LRRC4C: variants seen among roughly 807,000 people sequenced by gnomAD.
The protein encoded by LRRC4C is leucine-rich repeat-containing protein 4C.
Under a neutral mutation model 33.6 loss-of-function variants are expected in LRRC4C, and 5 were observed. The observed-to-expected ratio is 0.15, with a 90% CI of 0.08 to 0.31. LRRC4C has a LOEUF of 0.31. Among genes scored for constraint, LRRC4C ranks in the 10% least tolerant of loss-of-function variants. The pLI, the probability that LRRC4C is intolerant of heterozygous loss-of-function variation, is 1.00. For synonymous variants in LRRC4C, 329 were observed against 302.0 expected, an observed-to-expected ratio of 1.09 and a Z score of -0.93; for missense variants, 560 against 796.7, an observed-to-expected ratio of 0.70 and a Z score of 3.58.
intron 3 of LRRC4C, among the ~76,000 whole-genome samples, chr11:40,439,482 C>G (rs1449251249): frequency 6.9e-6 from 1 of 145,262 alleles, no homozygotes; most frequent in Non-Finnish European, 1.5e-5. Flanking sequence ...GAGACGGAGT[C>G]TCATTCTGTC....
chr11:40,322,033 A>T (rs1179631892), intron 3 of LRRC4C, among the ~76,000 whole-genome samples: 1 of 152,140 alleles, frequency 6.6e-6, no homozygotes, highest in Non-Finnish European at 1.5e-5. Flanking sequence ...ATTAGAACAA[A>T]GTGAATCATA....
intron 2 of LRRC4C, among the ~76,000 whole-genome samples, chr11:40,832,599 A>G (rs1244938553): frequency 6.6e-6 from 1 of 152,114 alleles, no homozygotes; most frequent in African/African-American, 2.4e-5. Flanking sequence ...ACTGCCACAA[A>G]TGGCAAGCAA....
intron 1 of LRRC4C, among the ~76,000 whole-genome samples, chr11:41,134,328 T>G (rs1022928068): frequency 2.6e-5 from 4 of 152,118 alleles, no homozygotes; most frequent in African/African-American, 7.2e-5. Context: ...GGTCTCAAAC[T>G]GCTAGCCTCA....
chr11:40,508,049 A>G (rs1440109), intron 3 of LRRC4C, among the ~76,000 whole-genome samples: 85,740 of 151,988 alleles, frequency 0.56, 24,549 homozygotes, highest in East Asian at 0.79. Context: ...GAAACACTGC[A>G]CCCAGCCCAA....
chr11:41,112,527 G>C (rs1033056840), intron 1 of LRRC4C, among the ~76,000 whole-genome samples: 1 of 151,998 alleles, frequency 6.6e-6, no homozygotes, highest in African/African-American at 2.4e-5. Flanking sequence ...TTGAAGTAGT[G>C]GCTTTGAATC....
intron 3 of LRRC4C, among the ~76,000 whole-genome samples, chr11:40,545,100 C>T (rs1258194745): frequency 6.6e-6 from 1 of 151,950 alleles, no homozygotes; most frequent in East Asian, 1.9e-4. Context: ...TCTGAAGCCT[C>T]CCATCATCAC....
intron 1 of LRRC4C, among the ~76,000 whole-genome samples, chr11:41,222,117 C>T (rs1947334530): frequency 6.6e-6 from 1 of 152,250 alleles, no homozygotes; most frequent in African/African-American, 2.4e-5. Flanking sequence ...GATCAACTAG[C>T]AACAAGAGAC....
chr11:41,420,131 G>T (rs1954824887), intron 1 of LRRC4C, among the ~76,000 whole-genome samples: 1 of 151,812 alleles, frequency 6.6e-6, no homozygotes, highest in South Asian at 2.1e-4. Flanking sequence ...GGCATTTTTG[G>T]ATAATAGAAC....
At chr11:41,155,085 C>G (rs2135988389) in intron 1 of LRRC4C, among the ~76,000 whole-genome samples, 1 of 152,222 alleles carries the variant, frequency 6.6e-6, no homozygotes, top group East Asian at 1.9e-4. Context: ...TGCGTTGACT[C>G]AGGTGCAAAT....
chr11:40,427,441 A>C (rs1210732654), intron 3 of LRRC4C, among the ~76,000 whole-genome samples: 1 of 152,200 alleles, frequency 6.6e-6, no homozygotes, highest in East Asian at 1.9e-4. Context: ...CCAGAGGTGG[A>C]GGTTGCAGTG....
chr11:40,533,763 T>C (rs1193206346), intron 3 of LRRC4C, among the ~76,000 whole-genome samples: 1 of 152,148 alleles, frequency 6.6e-6, no homozygotes, highest in South Asian at 2.1e-4. Flanking sequence ...CCTAGCCTTT[T>C]GATAGGTTCC....
At chr11:41,298,042 G>T (rs1032634379) in intron 1 of LRRC4C, among the ~76,000 whole-genome samples, 2 of 152,130 alleles carry the variant, frequency 1.3e-5, no homozygotes, top group Non-Finnish European at 2.9e-5. Context: ...TAGGAATACC[G>T]ACAGGTAAGA....
chr11:41,253,642 A>G (rs1370732695), intron 1 of LRRC4C, among the ~76,000 whole-genome samples: 1 of 152,132 alleles, frequency 6.6e-6, no homozygotes, highest in Non-Finnish European at 1.5e-5. Context: ...TCCCTGGCCT[A>G]ATAGCACAGT....
At chr11:40,973,052 G>A (rs999129788) in intron 1 of LRRC4C, among the ~76,000 whole-genome samples, 1 of 152,086 alleles carries the variant, frequency 6.6e-6, no homozygotes, top group Non-Finnish European at 1.5e-5. Context: ...AGTCATGTGA[G>A]ACATTCCTGC....
intron 1 of LRRC4C, among the ~76,000 whole-genome samples, chr11:41,237,098 T>C (rs1490341947): frequency 6.6e-6 from 1 of 152,228 alleles, no homozygotes; most frequent in Non-Finnish European, 1.5e-5. Context: ...TTTCTAAAAG[T>C]AGAACTAACT....
At chr11:40,164,516 T>C (rs1859424130) in intron 5 of LRRC4C, among the ~76,000 whole-genome samples, 1 of 152,156 alleles carries the variant, frequency 6.6e-6, no homozygotes, top group East Asian at 1.9e-4. Context: ...GGATTACAGG[T>C]GTGAGCCACC....
chr11:40,658,682 C>A (rs1305904708), intron 2 of LRRC4C, among the ~76,000 whole-genome samples: 3 of 152,120 alleles, frequency 2.0e-5, no homozygotes, highest in Non-Finnish European at 4.4e-5. Flanking sequence ...TCTGGGGGTC[C>A]TTAAACTGGT....
intron 2 of LRRC4C, among the ~76,000 whole-genome samples, chr11:40,733,937 A>G (rs1947731572): frequency 6.6e-6 from 1 of 152,210 alleles, no homozygotes; most frequent in Non-Finnish European, 1.5e-5. Flanking sequence ...GGGTTTGGAG[A>G]CATACTGTTA....
chr11:40,355,081 T>G (rs1398673487), intron 3 of LRRC4C, among the ~76,000 whole-genome samples: 1 of 152,140 alleles, frequency 6.6e-6, no homozygotes, highest in Non-Finnish European at 1.5e-5. Context: ...ACTGGGCCCT[T>G]CTTTTCAGGG....
Sources: allele counts gnomAD v4.1 joint callset (sites outside exome capture counted in the v4.1 genomes callset), GRCh38; gene constraint gnomAD v4.1.1; transcripts MANE v1.5; gene names NCBI Gene and HGNC (gene_info 2026-07-23, HGNC 2026-07-21).